The following EML1 variants were observed in gnomAD, a reference collection of about 807,000 sequenced individuals.
EML1 encodes the protein EMAP like 1, also known as echinoderm microtubule-associated protein-like 1.
Under a neutral mutation model 110.4 loss-of-function variants are expected in EML1, and 27 were observed. The ratio of observed to expected loss-of-function variants is 0.24; its 90% CI spans 0.18 to 0.34. The LOEUF is 0.34. Ranked by LOEUF, EML1 falls within the 10% of genes least tolerant of loss-of-function variation. EML1 has a pLI of 1.00. For synonymous variants in EML1, 344 were observed against 385.8 expected (o/e 0.89, Z 1.27); for missense variants, 741 against 1,030.9 (o/e 0.72, Z 3.85).
intron 1 of EML1, among the ~76,000 whole-genome samples, chr14:99,814,307 G>C (rs756623664): frequency 1.7e-4 from 26 of 152,284 alleles, no homozygotes; most frequent in Non-Finnish European, 3.4e-4. Flanking sequence ...ATCTCGCTTT[G>C]TCACTCAGGC....
At chr14:99,924,803 G>A (rs1275105572) in intron 17 of EML1, among the ~76,000 whole-genome samples, 12 of 152,158 alleles carry the variant, frequency 7.9e-5, no homozygotes, top group Non-Finnish European at 1.3e-4. Flanking sequence ...TGGGGTTGGA[G>A]TTTATCAGAT....
chr14:99,847,863 C>G (rs2058730953), intron 1 of EML1, among the ~76,000 whole-genome samples: 1 of 151,334 alleles, frequency 6.6e-6, no homozygotes, highest in Non-Finnish European at 1.5e-5. Context: ...TTTTTCCATT[C>G]ATATACTTTC....
intron 2 of EML1, among the ~76,000 whole-genome samples, chr14:99,856,828 C>T (rs1277072486): frequency 6.6e-6 from 1 of 152,194 alleles, no homozygotes; most frequent in Non-Finnish European, 1.5e-5. Flanking sequence ...ACCTGCCATT[C>T]TCATTTATCA....
chr14:99,742,360 C>G (rs1298278969), intron 1 of EML1, among the ~76,000 whole-genome samples: 1 of 152,116 alleles, frequency 6.6e-6, no homozygotes, highest in African/African-American at 2.4e-5. Context: ...GGATAGGGAG[C>G]CAGTGAAGGC....
At chr14:99,889,658 C>G (rs1264958701) in intron 4 of EML1, among the ~76,000 whole-genome samples, 1 of 152,150 alleles carries the variant, frequency 6.6e-6, no homozygotes, top group Non-Finnish European at 1.5e-5. Flanking sequence ...CAGGAGGGCC[C>G]ATGAGCCAAC....
At chr14:99,764,925 GT>G (rs1201964501) in intron 1 of EML1, among the ~76,000 whole-genome samples, 1 of 152,040 alleles carries the variant, frequency 6.6e-6, no homozygotes, top group African/African-American at 2.4e-5. Context: ...CGTTTTTGTT[GT>G]TGTTGGTGTT....
At chr14:99,802,265 C>T (rs915461843) in intron 1 of EML1, among the ~76,000 whole-genome samples, 2 of 152,128 alleles carry the variant, frequency 1.3e-5, no homozygotes, top group East Asian at 3.9e-4. Flanking sequence ...GGACTGGGAG[C>T]GTGTTTTGGG....
At chr14:99,885,905 C>G (rs2059465514) in intron 4 of EML1, 1 of 455,618 alleles carries the variant, frequency 2.2e-6, no homozygotes, top group African/African-American at 2.0e-5. Flanking sequence ...AGGTGAAGCC[C>G]CTCACCCAAG....
At chr14:99,813,729 C>CTA (rs2058119678) in intron 1 of EML1, among the ~76,000 whole-genome samples, 1 of 151,968 alleles carries the variant, frequency 6.6e-6, no homozygotes, top group South Asian at 2.1e-4. Context: ...TTTTTTTTAA[C>CTA]TATAGAGATG....
At chr14:99,808,154 C>T (rs1172470035) in intron 1 of EML1, among the ~76,000 whole-genome samples, 8 of 152,170 alleles carry the variant, frequency 5.3e-5, no homozygotes, top group South Asian at 4.1e-4. Flanking sequence ...TGCCCTGCAC[C>T]GTGGTCAGCT....
chr14:99,791,595 T>C (rs746255931), upstream of EML1, among the ~76,000 whole-genome samples: 3 of 152,230 alleles, frequency 2.0e-5, no homozygotes, highest in Non-Finnish European at 4.4e-5. Flanking sequence ...TTGACCTTCC[T>C]GTCTTTCCAG....
chr14:99,918,070 A>G (rs1157123639), intron 16 of EML1, among the ~76,000 whole-genome samples: 1 of 152,172 alleles, frequency 6.6e-6, no homozygotes, highest in Non-Finnish European at 1.5e-5. Context: ...CTCTCCTGGA[A>G]AAGGACCCTC....
At chr14:99,863,149 T>C (rs1363378989) in intron 2 of EML1, among the ~76,000 whole-genome samples, 2 of 152,198 alleles carry the variant, frequency 1.3e-5, no homozygotes, top group Non-Finnish European at 1.5e-5. Context: ...TCCTGTGTAG[T>C]GGTTTCAGAA....
intron 1 of EML1, among the ~76,000 whole-genome samples, chr14:99,758,614 G>T (rs1046800915): frequency 6.6e-6 from 1 of 152,122 alleles, no homozygotes; most frequent in African/African-American, 2.4e-5. Flanking sequence ...GTCAGTCCTC[G>T]CCCTAGTCAC....
At chr14:99,852,343 A>C (rs1220737309) in intron 2 of EML1, among the ~76,000 whole-genome samples, 2 of 152,220 alleles carry the variant, frequency 1.3e-5, no homozygotes, top group East Asian at 3.8e-4. Context: ...GGCTGGGCAC[A>C]GTGGCACACG....
chr14:99,914,664 G>T lies in EML1; in HGVS notation c.1719G>T (p.Val573=), dbSNP rs756224263. 16 of 1,610,342 alleles carry T rather than the reference G, an allele frequency of 9.9e-6. No homozygotes were observed. Among genetic ancestry groups the T allele is most frequent in the Non-Finnish European group, 1.4e-5 (16 of 1,179,290 alleles). The part of the protein sequence containing the change: ...HDKHATLWDA[V]GHRPVWDKII... ...AGCATGCCACTCTCTGGGACGCTGT[G>T]GGTCACCGTCCCGTCTGGGACAAAA... is the stretch of plus-strand genomic sequence containing the variant. The change falls in exon 15 of 22, where the codon GTG becomes GTT. Residue 573 remains valine (V), a synonymous_variant. Transcript: ENST00000262233.
intron 1 of EML1, among the ~76,000 whole-genome samples, chr14:99,786,300 A>AC (rs1178948877): frequency 3.9e-5 from 6 of 152,048 alleles, no homozygotes; most frequent in African/African-American, 1.5e-4. Context: ...GGAAATGGAG[A>AC]ATGTTACCCT....
At chr14:99,768,897 T>C (rs562360774), upstream of EML1, among the ~76,000 whole-genome samples, 1 of 152,232 alleles carries the variant, frequency 6.6e-6, no homozygotes, top group East Asian at 1.9e-4. Context: ...TTTGTATTTT[T>C]AGTAGAGTTG....
At chr14:99,887,276 C>T in intron 4 of EML1, among the ~76,000 whole-genome samples, 1 of 152,234 alleles carries the variant, frequency 6.6e-6, no homozygotes, top group East Asian at 1.9e-4. Context: ...CAGCAAATCT[C>T]CTTCTTATAA....
Sources: gnomAD v4.1 joint callset for allele counts (sites outside exome capture counted in the v4.1 genomes callset) on GRCh38, gnomAD v4.1.1 for gene constraint, MANE v1.5 for transcripts, NCBI Gene and HGNC (gene_info 2026-07-23, HGNC 2026-07-21) for gene names.